Variants in FSTL5 observed in about 807,000 individuals in gnomAD.
The protein encoded by FSTL5 is follistatin-related protein 5.
FSTL5 carries 62 observed loss-of-function variants against 89.1 expected under a neutral mutation model. That is an observed-to-expected ratio of 0.70 (90% CI 0.57 to 0.86). FSTL5 has a LOEUF of 0.86. FSTL5 is among the 40% of genes least tolerant of loss of function. FSTL5 has a pLI of 0.00. For missense variants in FSTL5, 1,057 were observed against 1,001.6 expected (o/e 1.06, Z -0.75); for synonymous variants, 383 against 346.2 (o/e 1.11, Z -1.18).
chr4:161,648,505 AAAG>A (rs780405144), intron 7 of FSTL5, among the ~76,000 whole-genome samples: 36 of 152,300 alleles, frequency 2.4e-4, no homozygotes, highest in Admixed American at 3.3e-4. Flanking sequence ...TTTGAAAAAG[AAAG>A]AAGAAGTGAA....
At chr4:162,042,802 T>G (rs545405438) in intron 2 of FSTL5, among the ~76,000 whole-genome samples, 25 of 151,946 alleles carry the variant, frequency 1.6e-4, no homozygotes, top group African/African-American at 5.5e-4. Context: ...TGTAAGGACA[T>G]GGATGAAACT....
intron 4 of FSTL5, among the ~76,000 whole-genome samples, chr4:161,903,140 A>T (rs760770505): frequency 5.9e-5 from 9 of 152,164 alleles, no homozygotes; most frequent in Admixed American, 1.3e-4. Flanking sequence ...CTAAGCTTTA[A>T]CATTTTTTTT....
intron 3 of FSTL5, among the ~76,000 whole-genome samples, chr4:161,932,125 A>G (rs768387025): frequency 1.1e-4 from 17 of 151,992 alleles, no homozygotes; most frequent in Non-Finnish European, 2.4e-4. Context: ...GGACACAAAA[A>G]ATAGGGTTCA....
At chr4:161,891,085 A>AT (rs11373447) in intron 4 of FSTL5, among the ~76,000 whole-genome samples, 144,559 of 152,102 alleles carry the variant, frequency 0.95, 69,073 homozygotes, top group Non-Finnish European at 1. Flanking sequence ...GACTTTTTAT[A>AT]TCATTAACTA....
chr4:161,600,725 C>G (rs778109405), intron 7 of FSTL5, among the ~76,000 whole-genome samples: 1 of 152,028 alleles, frequency 6.6e-6, no homozygotes, highest in Non-Finnish European at 1.5e-5. Context: ...CAAAAATATT[C>G]ATAATCGAAT....
At chr4:161,755,724 G>A (rs1740546759) in intron 6 of FSTL5, among the ~76,000 whole-genome samples, 1 of 152,038 alleles carries the variant, frequency 6.6e-6, no homozygotes, top group Non-Finnish European at 1.5e-5. Flanking sequence ...TAGGGGAAAG[G>A]AAACCTATCT....
chr4:161,500,267 T>C (rs549864439), intron 11 of FSTL5, 133 bp from the exon 12 acceptor site: 109 of 585,198 alleles, frequency 1.9e-4, no homozygotes, highest in Non-Finnish European at 3.1e-4. Context: ...AAGCAAACCA[T>C]ATGGGACCCT....
chr4:161,841,084 CTT>C (rs1467466417), intron 4 of FSTL5, among the ~76,000 whole-genome samples: 1 of 152,120 alleles, frequency 6.6e-6, no homozygotes. Context: ...ATAACAGCTG[CTT>C]TCTTTAGCTT....
chr4:161,570,307 CTG>C (rs1229219096), intron 8 of FSTL5, among the ~76,000 whole-genome samples: 2 of 152,062 alleles, frequency 1.3e-5, no homozygotes, highest in African/African-American at 2.4e-5. Context: ...GAGTTTGAAA[CTG>C]AGACTTATGG....
intron 5 of FSTL5, among the ~76,000 whole-genome samples, chr4:161,775,164 C>T (rs758587138): frequency 2.0e-5 from 3 of 152,090 alleles, no homozygotes; most frequent in Non-Finnish European, 4.4e-5. Flanking sequence ...AAATGGTCTA[C>T]TTCCCTCACC....
intron 15 of FSTL5, among the ~76,000 whole-genome samples, chr4:161,431,013 T>C (rs1732345565): frequency 6.6e-6 from 1 of 152,096 alleles, no homozygotes; most frequent in South Asian, 2.1e-4. Flanking sequence ...AATAAAAAGC[T>C]GAGGGATTTA....
At chr4:162,016,944 A>G (rs779878688) in intron 3 of FSTL5, among the ~76,000 whole-genome samples, 7 of 152,218 alleles carry the variant, frequency 4.6e-5, no homozygotes, top group Non-Finnish European at 8.8e-5. Context: ...TTGAAACAGG[A>G]TTTGTAAATT....
At chr4:161,955,689 T>C (rs1390532156) in intron 3 of FSTL5, among the ~76,000 whole-genome samples, 2 of 151,912 alleles carry the variant, frequency 1.3e-5, no homozygotes, top group East Asian at 3.9e-4. Context: ...TAAAAAGTAT[T>C]GTCCTGTTCT....
At chr4:161,588,072 G>A (rs1337366461) in intron 7 of FSTL5, among the ~76,000 whole-genome samples, 2 of 152,154 alleles carry the variant, frequency 1.3e-5, no homozygotes, top group African/African-American at 4.8e-5. Flanking sequence ...TACTCCAGAG[G>A]CTGAGGCAGG....
intron 4 of FSTL5, among the ~76,000 whole-genome samples, chr4:161,777,648 T>A (rs961168138): frequency 1.3e-5 from 2 of 152,180 alleles, no homozygotes; most frequent in African/African-American, 4.8e-5. Flanking sequence ...CACTTTTTAT[T>A]TTTAAGCATT....
chr4:161,634,880 T>TCA (rs1277739911), intron 7 of FSTL5, among the ~76,000 whole-genome samples: 2 of 152,136 alleles, frequency 1.3e-5, no homozygotes, highest in African/African-American at 4.8e-5. Flanking sequence ...ATTATTATCA[T>TCA]CACACACACA....
intron 13 of FSTL5, among the ~76,000 whole-genome samples, chr4:161,472,690 C>T (rs1295970589): frequency 6.6e-6 from 1 of 151,722 alleles, no homozygotes; most frequent in Non-Finnish European, 1.5e-5. Context: ...TCTACTTCCA[C>T]ACCATTATGC....
intron 8 of FSTL5, among the ~76,000 whole-genome samples, chr4:161,561,209 A>G (rs937621280): frequency 2.6e-5 from 4 of 151,664 alleles, no homozygotes; most frequent in African/African-American, 9.7e-5. Flanking sequence ...ATAGATAGAT[A>G]GATAGATACA....
chr4:161,795,266 A>C (rs1249569188), intron 4 of FSTL5, among the ~76,000 whole-genome samples: 2 of 152,140 alleles, frequency 1.3e-5, no homozygotes, highest in Non-Finnish European at 2.9e-5. Flanking sequence ...ATTGTATTTC[A>C]TCTGACAATT....
Sources: allele counts gnomAD v4.1 joint callset (sites outside exome capture counted in the v4.1 genomes callset), GRCh38; gene constraint gnomAD v4.1.1; transcripts MANE v1.5; gene names NCBI Gene and HGNC (gene_info 2026-07-23, HGNC 2026-07-21).